C8A: variants seen among roughly 807,000 people sequenced by gnomAD.
The protein encoded by C8A is complement component C8 alpha chain.
C8A carries 67 observed loss-of-function variants against 65.3 expected under a neutral mutation model. The ratio of observed to expected loss-of-function variants is 1.03; its 90% confidence interval spans 0.84 to 1.26. The LOEUF (loss-of-function observed/expected upper bound fraction) is 1.26, where lower values mean the gene tolerates loss of function less well. Ranked by LOEUF, C8A falls within the 50% of genes most tolerant of loss-of-function variation. The probability of loss-of-function intolerance (pLI) is 0.00; values close to 1 mark genes in which losing one functional copy is unlikely to be tolerated. For missense variants in C8A, 781 were observed against 723.9 expected (o/e 1.08, Z -0.90); for synonymous variants, 290 against 259.4 (o/e 1.12, Z -1.13).
chr1:56,903,638 G>C (rs765645528), intron 7 of C8A, among the ~76,000 whole-genome samples: 1 of 152,124 alleles, frequency 6.6e-6, no homozygotes, highest in Non-Finnish European at 1.5e-5. Context: ...TGGCTACTAA[G>C]TCCATATCCA....
chr1:56,859,620 C>T (rs905269603), intron 1 of C8A, among the ~76,000 whole-genome samples: 1 of 152,212 alleles, frequency 6.6e-6, no homozygotes, highest in African/African-American at 2.4e-5. Context: ...ACAGTGGATA[C>T]TTTTTTGGAT....
intron 2 of C8A, among the ~76,000 whole-genome samples, chr1:56,868,120 T>C (rs557138930): frequency 2.6e-5 from 4 of 152,158 alleles, no homozygotes; most frequent in African/African-American, 7.2e-5. Flanking sequence ...TCCACTTTCA[T>C]ATATTGAAAA....
chr1:56,882,606 G>C lies in C8A; in HGVS notation c.655-875G>C, dbSNP rs543807826. ...TGAACAAAATACTGACAGAAAATAA[G>C]GCCAAGCTTATAGGGCCTGTTTTTA... On this transcript the variant is annotated intron_variant, in intron 5 of 10. Coordinates refer to ENST00000361249, the MANE Select transcript of C8A (RefSeq NM_000562.3). 3.9e-5 allele frequency among the ~76,000 whole-genome samples: 6 copies of C among 152,134 alleles called. No individual in the cohort carries two copies. The South Asian group carries it at 1.2e-3, about 32-fold the overall frequency.
At chr1:56,914,936 C>T (rs542264326) in intron 10 of C8A, among the ~76,000 whole-genome samples, 2 of 152,288 alleles carry the variant, frequency 1.3e-5, no homozygotes, top group Admixed American at 1.3e-4. Flanking sequence ...CCTCAGCCTC[C>T]CAAGGTCCTG....
intron 7 of C8A, among the ~76,000 whole-genome samples, chr1:56,886,971 G>A (rs1003905954): frequency 1.3e-5 from 2 of 152,060 alleles, no homozygotes; most frequent in Non-Finnish European, 2.9e-5. Context: ...ATCAAAAACT[G>A]GGAATGGGTC....
chr1:56,865,744 T>G (rs1477004795), intron 1 of C8A, among the ~76,000 whole-genome samples: 2 of 152,308 alleles, frequency 1.3e-5, no homozygotes, highest in East Asian at 3.9e-4. Flanking sequence ...AATGACAAGA[T>G]TTGAGCTTCT....
intron 7 of C8A, among the ~76,000 whole-genome samples, chr1:56,888,323 C>A (rs1232366174): frequency 1.3e-5 from 2 of 152,080 alleles, no homozygotes; most frequent in Non-Finnish European, 2.9e-5. Context: ...ATTAATTCAT[C>A]CGTCTACATA....
At chr1:56,863,017 G>C (rs1644049526) in intron 1 of C8A, among the ~76,000 whole-genome samples, 1 of 152,106 alleles carries the variant, frequency 6.6e-6, no homozygotes, top group African/African-American at 2.4e-5. Flanking sequence ...TATAAGGGGA[G>C]TGGAACAATG....
chr1:56,906,590 T>G, intron 7 of C8A, 77 bp from the exon 8 acceptor site: 1 of 1,560,344 alleles, frequency 6.4e-7, no homozygotes, highest in Admixed American at 1.7e-5. Flanking sequence ...TAGCTTTTAC[T>G]ACTCTGACAT....
intron 2 of C8A, among the ~76,000 whole-genome samples, chr1:56,870,085 G>A (rs371984348): frequency 1.3e-3 from 200 of 152,110 alleles, no homozygotes; most frequent in African/African-American, 4.2e-3. Flanking sequence ...TGATCCCTAC[G>A]TGCTCATTTT....
At chr1:56,868,717 C>G (rs1442574588) in intron 2 of C8A, among the ~76,000 whole-genome samples, 2 of 152,166 alleles carry the variant, frequency 1.3e-5, no homozygotes, top group African/African-American at 2.4e-5. Flanking sequence ...ATCAGATGCT[C>G]CCTTCCCCAC....
intron 4 of C8A, among the ~76,000 whole-genome samples, chr1:56,880,132 G>T (rs1222082261): frequency 6.6e-6 from 1 of 152,152 alleles, no homozygotes; most frequent in Non-Finnish European, 1.5e-5. Flanking sequence ...GGCTTTGATT[G>T]TCAGGTCTTA....
intron 5 of C8A, among the ~76,000 whole-genome samples, chr1:56,882,413 A>C (rs1439579377): frequency 1.3e-5 from 2 of 152,184 alleles, no homozygotes; most frequent in African/African-American, 4.8e-5. Context: ...AGATATTAAG[A>C]AAAAGAAACA....
In C8A at chr1:56,887,495, A is replaced by C. The variant is rs544202409; in HGVS notation, c.1096+1328A>C. On this transcript the variant is annotated intron_variant, in intron 7 of 10. Transcript: ENST00000361249. The stretch of plus-strand genomic sequence containing the variant: ...TTTCATATGCTTGTTGGCCACATAA[A>C]TGTCTTCTTTTGAGAAATGTCTGTT... Among the ~76,000 whole-genome samples the C allele has an allele frequency of 7.9e-5, 12 of 152,240 alleles. No individual in the cohort carries two copies. The South Asian group carries it at 2.5e-3, about 32-fold the overall frequency.
rs371967451 is a variant in C8A, at chr1:56,908,126, G to A, written c.1380+13G>A. Reference sequence around the variant, plus strand: ...TATCGATTTTGAGGTAAGTCTTTTCGCAGTTGAAGAAACTCTACGTCCATG... The same window carrying A: ...TATCGATTTTGAGGTAAGTCTTTTCACAGTTGAAGAAACTCTACGTCCATG... On this transcript the variant is annotated intron_variant, in intron 9 of 10. Transcript: ENST00000361249. The A allele has an allele frequency of 9.0e-5, 146 of 1,613,604 alleles. 1 individual carries two copies. In the South Asian group the frequency reaches 9.1e-4, roughly 10 times the overall value.
At chr1:56,882,503 A>AG (rs1644255855) in intron 5 of C8A, among the ~76,000 whole-genome samples, 1 of 152,188 alleles carries the variant, frequency 6.6e-6, no homozygotes, top group African/African-American at 2.4e-5. Context: ...TGTCTGAACT[A>AG]AGTCCAGGCT....
chr1:56,916,628 A>G (rs1315748198), intron 10 of C8A, among the ~76,000 whole-genome samples: 1 of 152,170 alleles, frequency 6.6e-6, no homozygotes, highest in Non-Finnish European at 1.5e-5. Context: ...GGCGAGCCTG[A>G]CAGACATCCA....
rs116838730 is a variant in C8A at position 56,888,634 on chromosome 1, A to T, written c.1096+2467A>T. Among the ~76,000 whole-genome samples the T allele has an allele frequency of 5.1e-3, 783 of 152,340 alleles. 12 individuals are homozygous for T. Among genetic ancestry groups the T allele is most frequent in the African/African-American group, 0.018 (738 of 41,576 alleles). ...AAAACATGCATATTTGTATCGTGTC[A>T]TGATGCAAAATAAGTAGCTTACAAT... is the stretch of plus-strand genomic sequence containing the variant. On this transcript the variant is annotated intron_variant, in intron 7 of 10. Transcript: ENST00000361249.
At position 56,912,520 on chromosome 1, in the gene C8A, G is replaced by C. The variant is rs202042786; in HGVS notation, c.1498G>C (p.Gly500Arg). ...YLMEFNACRC[G>R]PCFNNGVPIL... ...GATGGAATTCAATGCCTGCCGATGT[G>C]GGCCTTGCTTCAACAATGGGGTGCC... Residue 500 changes from glycine to arginine, a missense_variant, in exon 10 of 11, where the codon GGG becomes CGG. By Grantham distance (125) the Gly-to-Arg change is moderately radical. Transcript: ENST00000361249. 1 of 1,614,042 alleles carries C rather than the reference G, an allele frequency of 6.2e-7. No homozygotes were observed. Among genetic ancestry groups the C allele is most frequent in the African/African-American group, 1.3e-5 (1 of 74,922 alleles).
Sources: allele counts gnomAD v4.1 joint callset (sites outside exome capture counted in the v4.1 genomes callset), GRCh38; gene constraint gnomAD v4.1.1; transcripts MANE v1.5; gene names NCBI Gene and HGNC (gene_info 2026-07-23, HGNC 2026-07-21).